Variants in TBC1D5 observed in about 807,000 individuals in gnomAD.
TBC1D5 encodes the protein TBC1 domain family, member 5.
A neutral mutation model predicts 100.3 loss-of-function variants in TBC1D5; 75 were observed. The observed-to-expected ratio is 0.75, with a 90% CI of 0.62 to 0.91. The LOEUF is 0.91. Among genes scored for constraint, TBC1D5 ranks in the 40% least tolerant of loss-of-function variants. The pLI is 0.00. For synonymous variants in TBC1D5, 323 were observed against 325.6 expected, an observed-to-expected ratio of 0.99 and a Z score of 0.09; for missense variants, 910 against 942.4, an observed-to-expected ratio of 0.97 and a Z score of 0.45.
intron 3 of TBC1D5, among the ~76,000 whole-genome samples, chr3:17,447,483 A>G (rs2094827118): frequency 6.6e-6 from 1 of 151,076 alleles, no homozygotes; most frequent in African/African-American, 2.4e-5. Context: ...GAAACGGAAG[A>G]GACATCACTA....
intron 2 of TBC1D5, among the ~76,000 whole-genome samples, chr3:17,597,067 A>G (rs958502195): frequency 1.3e-5 from 2 of 152,176 alleles, no homozygotes; most frequent in Non-Finnish European, 2.9e-5. Context: ...AGATGATATG[A>G]TTCTTTCAAG....
At chr3:17,325,108 C>T (rs1296490616) in intron 13 of TBC1D5, among the ~76,000 whole-genome samples, 1 of 152,076 alleles carries the variant, frequency 6.6e-6, no homozygotes, top group Admixed American at 6.5e-5. Flanking sequence ...TGTCTCCTTG[C>T]TATTTATCCA....
chr3:17,566,553 T>A lies in TBC1D5; in HGVS notation c.-36+57296A>T, dbSNP rs372470601. On this transcript the variant is annotated intron_variant, in intron 2 of 21. Coordinates refer to ENST00000253692, the Ensembl canonical transcript of TBC1D5. ...CTGATCATCAATTTCAAAATAAGAA[T>A]CTTAAGAGTTAATAAATAGTAACAC... is the stretch of plus-strand genomic sequence containing the variant. 1.5e-3 allele frequency among the ~76,000 whole-genome samples: 235 copies of A among 152,010 alleles called. 6 individuals are homozygous for A. The South Asian group carries it at 0.047, about 30-fold the overall frequency.
At chr3:17,584,033 T>C (rs548752606) in intron 2 of TBC1D5, among the ~76,000 whole-genome samples, 1 of 152,296 alleles carries the variant, frequency 6.6e-6, no homozygotes, top group South Asian at 2.1e-4. Flanking sequence ...TAATAAGTGC[T>C]ACAACTTGAA....
intron 1 of TBC1D5, among the ~76,000 whole-genome samples, chr3:17,676,933 A>G (rs1165253023): frequency 6.6e-6 from 1 of 152,236 alleles, no homozygotes; most frequent in Non-Finnish European, 1.5e-5. Flanking sequence ...TGGTGCTGGG[A>G]AAACTGGCTA....
chr3:17,500,060 G>A lies in TBC1D5; in HGVS notation c.97+8414C>T, dbSNP rs1162639898. 2.3e-4 allele frequency among the ~76,000 whole-genome samples: 34 copies of A among 149,568 alleles called. 1 individual carries two copies. Among genetic ancestry groups the A allele is most frequent in the Admixed American group, 2.2e-3 (34 of 15,170 alleles). On this transcript the variant is annotated intron_variant, in intron 3 of 21. Coordinates refer to ENST00000253692, the Ensembl canonical transcript of TBC1D5. ...GTTTCTCTGTCTGCTCAGCAGTGAG[G>A]TTTCATTGCTCCTAGGACACTGGTA... is the stretch of plus-strand genomic sequence containing the variant.
chr3:17,626,862 C>A (rs1017861770), intron 1 of TBC1D5, among the ~76,000 whole-genome samples: 3 of 152,072 alleles, frequency 2.0e-5, no homozygotes, highest in Non-Finnish European at 4.4e-5. Context: ...GAGGAAAAAA[C>A]TAGGACAAAT....
In TBC1D5 at chr3:17,236,904, A is replaced by C. The variant is rs1467205842; in HGVS notation, c.1588+1259T>G. Among the ~76,000 whole-genome samples the C allele has an allele frequency of 2.0e-5, 3 of 152,198 alleles. No individual in the cohort carries two copies. In the East Asian group the frequency reaches 5.8e-4, roughly 29 times the overall value. ...AATAACATGATGTAACCAATAGAGG[A>C]ATACAGACACGCATGGGTGTGTGCA... is the stretch of plus-strand genomic sequence containing the variant. On this transcript the variant is annotated intron_variant, in intron 17 of 21. Coordinates refer to ENST00000253692, the Ensembl canonical transcript of TBC1D5.
intron 13 of TBC1D5, among the ~76,000 whole-genome samples, chr3:17,367,150 T>C (rs577788911): frequency 2.0e-5 from 3 of 152,330 alleles, no homozygotes; most frequent in South Asian, 4.1e-4. Flanking sequence ...ATTCAATACA[T>C]TTAAAAGTGA....
Position 17,308,126 on chromosome 3 carries a change from AC to A in TBC1D5, c.1003del (p.Val335CysfsTer30), listed in dbSNP as rs1285443036. 2 of 1,577,578 alleles carry A rather than the reference AC, an allele frequency of 1.3e-6. No homozygotes were observed. Among genetic ancestry groups the A allele is most frequent in the Non-Finnish European group, 1.7e-6 (2 of 1,170,838 alleles). On this transcript the variant is annotated frameshift_variant, in exon 14 of 22. Coordinates refer to ENST00000253692, the Ensembl canonical transcript of TBC1D5. LOFTEE classifies it high-confidence loss of function. Reference sequence around the variant, plus strand: ...GAACTCTCGTCCAAATAGCAGCCGCACCCACCTTCTGGAAAGAAACAAAACA... The same window carrying A: ...GAACTCTCGTCCAAATAGCAGCCGCACCACCTTCTGGAAAGAAACAAAACA...
intron 17 of TBC1D5, among the ~76,000 whole-genome samples, chr3:17,215,622 T>C (rs549538179): frequency 1.3e-5 from 2 of 152,032 alleles, no homozygotes; most frequent in South Asian, 2.1e-4. Flanking sequence ...TGGAAGTCAG[T>C]ACCATAGAGA....
At chr3:17,348,425 CT>C in intron 13 of TBC1D5, among the ~76,000 whole-genome samples, 1 of 152,326 alleles carries the variant, frequency 6.6e-6, no homozygotes, top group East Asian at 1.9e-4. Flanking sequence ...ACCTGGGGTT[CT>C]GCATTTCCAC....
chr3:17,367,288 T>C (rs2092204225), intron 13 of TBC1D5, among the ~76,000 whole-genome samples: 1 of 152,182 alleles, frequency 6.6e-6, no homozygotes, highest in Non-Finnish European at 1.5e-5. Context: ...TTTTTTGAAC[T>C]CACAACATGA....
At chr3:17,291,234 C>G (rs146028250) in intron 15 of TBC1D5, among the ~76,000 whole-genome samples, 2 of 152,324 alleles carry the variant, frequency 1.3e-5, no homozygotes, top group Admixed American at 1.3e-4. Flanking sequence ...AGCAAGGATT[C>G]ACAGATTTTT....
intron 18 of TBC1D5, among the ~76,000 whole-genome samples, chr3:17,195,330 C>G (rs1482145794): frequency 6.6e-6 from 1 of 152,216 alleles, no homozygotes; most frequent in Non-Finnish European, 1.5e-5. Context: ...CTCTACTTAA[C>G]AAGGGTTTTC....
At chr3:17,453,819 C>T (rs2094985656) in intron 3 of TBC1D5, among the ~76,000 whole-genome samples, 2 of 152,140 alleles carry the variant, frequency 1.3e-5, no homozygotes, top group Non-Finnish European at 2.9e-5. Flanking sequence ...AACAAGAAAA[C>T]TACAGGTCAA....
At chr3:17,698,760 A>C (rs11926814) in intron 1 of TBC1D5, among the ~76,000 whole-genome samples, 7,630 of 149,674 alleles carry the variant, frequency 0.051, 612 homozygotes, top group African/African-American at 0.17. Context: ...TCTCAAAAGA[A>C]GACATTTATG....
chr3:17,561,297 T>C (rs550368811), intron 2 of TBC1D5, among the ~76,000 whole-genome samples: 1 of 152,326 alleles, frequency 6.6e-6, no homozygotes, highest in South Asian at 2.1e-4. Flanking sequence ...TATGATATAC[T>C]TTTTTACATA....
chr3:17,598,090 G>A (rs1235603886), intron 2 of TBC1D5, among the ~76,000 whole-genome samples: 1 of 150,984 alleles, frequency 6.6e-6, no homozygotes, highest in Non-Finnish European at 1.5e-5. Context: ...GGGCACTTGA[G>A]GTTTATTCCT....
Sources: allele counts gnomAD v4.1 joint callset (sites outside exome capture counted in the v4.1 genomes callset), GRCh38; gene constraint gnomAD v4.1.1; transcripts MANE v1.5; gene names NCBI Gene and HGNC (gene_info 2026-07-23, HGNC 2026-07-21).